The following PSCA variants were observed in gnomAD, a reference collection of about 807,000 sequenced individuals.
PSCA encodes the protein prostate stem cell antigen.
Under a neutral mutation model 7.9 loss-of-function variants are expected in PSCA, and 7 were observed. The ratio of observed to expected loss-of-function variants is 0.89; its 90% CI spans 0.51 to 1.67. PSCA has a LOEUF of 1.67. PSCA is among the 40% of genes most tolerant of loss of function. The pLI is 0.00. For synonymous variants in PSCA, 61 were observed against 68.3 expected (o/e 0.89, Z 0.53); for missense variants, 151 against 147.9 (o/e 1.02, Z -0.11).
At chr8:142,677,904 G>A (rs182489919), upstream of PSCA, among the ~76,000 whole-genome samples, 16 of 152,312 alleles carry the variant, frequency 1.1e-4, no homozygotes, top group African/African-American at 3.8e-4. Flanking sequence ...GAGGCAGGCA[G>A]GAGAGACCTC....
chr8:142,681,054 G>A (rs1253308546), intron 1 of PSCA: 7 of 491,912 alleles, frequency 1.4e-5, no homozygotes, highest in Admixed American at 6.7e-5. Flanking sequence ...GGACCCTCCC[G>A]ACCCAGGGTC....
intron 1 of PSCA, among the ~76,000 whole-genome samples, chr8:142,675,020 G>A (rs1447235826): frequency 1.1e-4 from 16 of 152,232 alleles, no homozygotes; most frequent in African/African-American, 1.9e-4. Context: ...GCTTGTATCC[G>A]GCAGTGTCCT....
At chr8:142,671,074 T>C (rs1224029407) in intron 1 of PSCA, among the ~76,000 whole-genome samples, 3 of 152,184 alleles carry the variant, frequency 2.0e-5, no homozygotes, top group Non-Finnish European at 4.4e-5. Context: ...AAGAGAAAAA[T>C]TTGTACATGT....
chr8:142,681,386 G>A lies in PSCA; in HGVS notation c.85G>A (p.Val29Met). ...GGTGAGCAACGAGGACTGCCTGCAG[G>A]TGGAGAACTGCACCCAGCTGGGGGA... ...AQVSNEDCLQ[V>M]ENCTQLGEQC... The change falls in exon 2 of 3, where the codon GTG (valine) becomes ATG (methionine). Residue 29 changes from valine to methionine, a missense_variant. Val to Met is a conservative substitution (Grantham distance 21, BLOSUM62 1). Coordinates refer to ENST00000301258, the MANE Select transcript of PSCA (RefSeq NM_005672.5). The A allele has an allele frequency of 1.9e-6, 3 of 1,592,736 alleles. No homozygotes were observed. Among genetic ancestry groups the A allele is most frequent in the East Asian group, 4.6e-5 (2 of 43,820 alleles).
upstream of PSCA, chr8:142,680,394 G>A (rs370195705): frequency 1.1e-5 from 10 of 918,394 alleles, no homozygotes; most frequent in African/African-American, 9.9e-5. Context: ...GCCCAGCCCC[G>A]GGGCCCTCAC....
chr8:142,682,519 GA>G lies in PSCA; in HGVS notation c.*388del. 2.0e-6 allele frequency: 1 copy of G among 490,518 alleles called. No homozygotes were observed. Among genetic ancestry groups the G allele is most frequent in the Non-Finnish European group, 4.0e-6 (1 of 249,824 alleles). 30.4% of individuals were successfully genotyped at this position (490,518 alleles called of 1,614,324 possible). A position where few individuals can be genotyped will look rare whatever the true frequency, so the allele number is the denominator to read the frequency against. On this transcript the variant is annotated 3_prime_UTR_variant, in exon 3 of 3. Coordinates refer to ENST00000301258, the MANE Select transcript of PSCA (RefSeq NM_005672.5). ...GTGGTGTCCCCCGCACCCAGCAGGG[GA>G]CAGGCACTCAGGAGGGCCCGGTAAA...
At chr8:142,677,945 G>T (rs1847417358), upstream of PSCA, among the ~76,000 whole-genome samples, 1 of 152,170 alleles carries the variant, frequency 6.6e-6, no homozygotes, top group Non-Finnish European at 1.5e-5. Context: ...GGAGCCCCGG[G>T]GGAAGCCCAA....
intron 1 of PSCA, among the ~76,000 whole-genome samples, chr8:142,675,184 C>G (rs1463241488): frequency 1.3e-5 from 2 of 152,220 alleles, no homozygotes; most frequent in African/African-American, 4.8e-5. Flanking sequence ...GGGTCTCCTC[C>G]CCAGTCTGAG....
At chr8:142,677,285 G>T (rs1222240735), upstream of PSCA, among the ~76,000 whole-genome samples, 3 of 152,236 alleles carry the variant, frequency 2.0e-5, no homozygotes, top group Non-Finnish European at 4.4e-5. Context: ...CACACCCTCA[G>T]TGCGGCGGAT....
Position 142,682,073 on chromosome 8 carries a change from G to T in PSCA, c.286G>T (p.Ala96Ser). ...SGAHALQPAA[A>S]ILALLPALGL... The stretch of plus-strand genomic sequence containing the variant: ...GGCCCATGCCCTGCAGCCGGCTGCT[G>T]CCATCCTTGCGCTGCTCCCTGCACT... The change falls in exon 3 of 3, where the codon GCC (alanine) becomes TCC (serine). Residue 96 changes from alanine to serine, a missense_variant. By Grantham distance (99) the Ala-to-Ser change is moderately conservative (BLOSUM62 1). Transcript: ENST00000301258. 6.2e-7 allele frequency: 1 copy of T among 1,608,148 alleles called. No individual in the cohort carries two copies. Among genetic ancestry groups the T allele is most frequent in the East Asian group, 2.2e-5 (1 of 44,882 alleles).
At chr8:142,681,546 C>T (rs1563805551) in intron 2 of PSCA, 112 bp downstream of exon 2, 4 of 902,652 alleles carry the variant, frequency 4.4e-6, no homozygotes, top group Non-Finnish European at 5.2e-6. Flanking sequence ...GTCCCCGACC[C>T]GTCCCGCACC....
At chr8:142,672,054 C>A (rs1204435917) in intron 1 of PSCA, among the ~76,000 whole-genome samples, 2 of 152,174 alleles carry the variant, frequency 1.3e-5, no homozygotes, top group African/African-American at 4.8e-5. Context: ...CAGGGCCCCT[C>A]CCCAGAAATC....
At chr8:142,680,379 G>T, upstream of PSCA, 1 of 765,456 alleles carries the variant, frequency 1.3e-6, no homozygotes, top group Admixed American at 2.3e-5. Flanking sequence ...AGGAGACTCG[G>T]ACCTGCCCAG....
chr8:142,671,100 G>A (rs1847316751), intron 1 of PSCA, among the ~76,000 whole-genome samples: 1 of 152,210 alleles, frequency 6.6e-6, no homozygotes, highest in Admixed American at 6.5e-5. Flanking sequence ...ACAGACACAG[G>A]TTTTTTTCCG....
At position 142,682,479 on chromosome 8, in the gene PSCA, A is replaced by G. The variant is rs587661671; in HGVS notation, c.*347A>G. 7.0e-6 allele frequency: 4 copies of G among 570,088 alleles called. No individual in the cohort carries two copies. Among genetic ancestry groups the G allele is most frequent in the South Asian group, 3.1e-5 (2 of 65,390 alleles). The allele number at this position is 570,088 out of a possible 1,614,324, so 35.3% of individuals were successfully genotyped here. On this transcript the variant is annotated 3_prime_UTR_variant, in exon 3 of 3. Coordinates refer to ENST00000301258, the MANE Select transcript of PSCA (RefSeq NM_005672.5). ...CCCTGCCCACCCCATCTATGACTTG[A>G]GCCAGGTCTGGTCCGTGGTGTCCCC...
chr8:142,681,277 G>T, intron 1 of PSCA, 50 bp from the exon 2 acceptor site: 1 of 1,423,018 alleles, frequency 7.0e-7, no homozygotes. Context: ...CCCCATTCCT[G>T]GGGAGTGCTA....
intron 1 of PSCA, 32 bp from the exon 2 acceptor site, chr8:142,681,295 G>T (rs1554638267): frequency 5.3e-6 from 8 of 1,512,628 alleles, no homozygotes; most frequent in Non-Finnish European, 6.3e-6. Context: ...CTATGGGGCA[G>T]CCTCTGAGGC....
At chr8:142,680,586 G>A in intron 1 of PSCA, 23 bp downstream of exon 1, 1 of 1,553,592 alleles carries the variant, frequency 6.4e-7, no homozygotes, top group Non-Finnish European at 8.7e-7. Flanking sequence ...CTGGCCCCCA[G>A]CAGGGAAGGG....
At chr8:142,680,812 TG>T in intron 1 of PSCA, 3 of 590,114 alleles carry the variant, frequency 5.1e-6, no homozygotes, top group South Asian at 4.1e-5. Context: ...TTCACCACCG[TG>T]GGGCAGGGCC....
Sources: gnomAD v4.1 joint callset for allele counts (sites outside exome capture counted in the v4.1 genomes callset) on GRCh38, gnomAD v4.1.1 for gene constraint, MANE v1.5 for transcripts, NCBI Gene and HGNC (gene_info 2026-07-23, HGNC 2026-07-21) for gene names.